PLPPR4: variants seen among roughly 807,000 people sequenced by gnomAD.
The protein encoded by PLPPR4 is phospholipid phosphatase related 4.
PLPPR4 carries 24 observed loss-of-function variants against 56.6 expected under a neutral mutation model. The ratio of observed to expected loss-of-function variants is 0.42; its 90% confidence interval spans 0.31 to 0.60. The LOEUF (loss-of-function observed/expected upper bound fraction) is 0.60. Ranked by LOEUF, PLPPR4 falls within the 20% of genes least tolerant of loss-of-function variation. The probability of loss-of-function intolerance (pLI) is 0.13; values close to 1 mark genes in which losing one functional copy is unlikely to be tolerated. For missense variants in PLPPR4, 654 were observed against 885.8 expected, an observed-to-expected ratio of 0.74 and a Z score of 3.32; for synonymous variants, 326 against 328.1, an observed-to-expected ratio of 0.99 and a Z score of 0.07.
At chr1:99,291,293 T>C (rs1330202212) in intron 2 of PLPPR4, among the ~76,000 whole-genome samples, 1 of 152,154 alleles carries the variant, frequency 6.6e-6, no homozygotes, top group Admixed American at 6.5e-5. Context: ...AAATATTAGA[T>C]GGTGGTGAGG....
intron 2 of PLPPR4, among the ~76,000 whole-genome samples, chr1:99,290,724 A>G (rs1407167052): frequency 1.3e-5 from 2 of 152,184 alleles, no homozygotes; most frequent in African/African-American, 4.8e-5. Context: ...TGATGCTGGG[A>G]TAACTGGCTA....
chr1:99,285,568 C>G (rs367845693), intron 1 of PLPPR4, among the ~76,000 whole-genome samples: 111 of 152,130 alleles, frequency 7.3e-4, no homozygotes, highest in South Asian at 4.4e-3. Context: ...CTCTGCAAAG[C>G]ATCCATCTGA....
intron 6 of PLPPR4, among the ~76,000 whole-genome samples, chr1:99,304,551 C>T (rs77798379): frequency 0.012 from 1,898 of 152,236 alleles, 44 homozygotes; most frequent in African/African-American, 0.044. Context: ...TTAGGGATTG[C>T]TCATTCTGGT....
rs1413528489 is a variant in PLPPR4 at position 99,306,166 on chromosome 1, C to T, written c.1304C>T (p.Ser435Leu). ...AGATCCATAGAAATGAGGTCAAGCT[C>T]AGAGCCATCGAGGGTAGGGGTGAAT... Reference protein sequence around the residue: ...PPRSIEMRSSSEPSRVGVNGD... With the variant: ...PPRSIEMRSSLEPSRVGVNGD... Residue 435 changes from serine (S) to leucine (L), a missense_variant, in exon 7 of 7, where the codon TCA becomes TTA. By Grantham distance (145) the Ser-to-Leu change is moderately radical. Coordinates refer to ENST00000370185, the MANE Select transcript of PLPPR4 (RefSeq NM_014839.5). The surrounding 1 kb of genome is among the most constrained non-coding windows in gnomAD (Gnocchi z 4.0). 6.2e-7 allele frequency: 1 copy of T among 1,614,132 alleles called. No individual in the cohort carries two copies. The highest frequency in any genetic ancestry group is 8.5e-7 in the Non-Finnish European group (1 of 1,180,014).
chr1:99,272,239 T>G (rs967995719), intron 1 of PLPPR4, among the ~76,000 whole-genome samples: 1 of 152,102 alleles, frequency 6.6e-6, no homozygotes, highest in Non-Finnish European at 1.5e-5. Context: ...ATGGCCTCAC[T>G]GTTTCTTCTA....
rs570004343 is a variant in PLPPR4 at position 99,305,869 on chromosome 1, G to A, written c.1007G>A (p.Ser336Asn). The change falls in exon 7 of 7, where the codon AGC becomes AAC. Residue 336 changes from serine to asparagine, a missense_variant. Transcript: ENST00000370185. Reference protein sequence around the residue: ...GILNRNHRDASSLTNLKRANA... With the variant: ...GILNRNHRDANSLTNLKRANA... ...CTCAACCGAAACCACAGAGATGCTA[G>A]CTCTCTGACAAATCTCAAAAGAGCA... is the stretch of plus-strand genomic sequence containing the variant. The A allele has an allele frequency of 3.7e-6, 6 of 1,614,012 alleles. No individual in the cohort carries two copies. In the South Asian group the frequency reaches 6.6e-5, roughly 18 times the overall value.
chr1:99,274,328 T>C (rs891057660), intron 1 of PLPPR4, among the ~76,000 whole-genome samples: 2 of 152,084 alleles, frequency 1.3e-5, no homozygotes, highest in East Asian at 1.9e-4. Context: ...TTTAATCATA[T>C]GCAAATTATA....
rs1054455867 is a variant in PLPPR4, at chr1:99,307,657, G to A, written c.*647G>A. The A allele has an allele frequency of 3.9e-5, 6 of 152,246 alleles. No individual in the cohort carries two copies. The highest frequency in any genetic ancestry group is 7.2e-5 in the African/African-American group (3 of 41,562). The allele number at this position is 152,246 out of a possible 1,614,324, so 9.4% of individuals were successfully genotyped here. On this transcript the variant is annotated 3_prime_UTR_variant, in exon 7 of 7. Transcript: ENST00000370185. ...TCAAAAAATGAAAAGGTTTTTGTGC[G>A]TTTCTTCAAAATTCTGCTTTCTTCA...
Position 99,306,045 on chromosome 1 carries a change from C to T in PLPPR4, c.1183C>T (p.Arg395Ter). 6.2e-7 allele frequency: 1 copy of T among 1,614,088 alleles called. No individual in the cohort carries two copies. Among genetic ancestry groups the T allele is most frequent in the Non-Finnish European group, 8.5e-7 (1 of 1,180,024 alleles). Residue 395 changes from arginine (R) to a stop codon, truncating the protein, a stop_gained, in exon 7 of 7, where the codon CGA (arginine) becomes TGA (stop). Transcript: ENST00000370185. LOFTEE classifies it high-confidence loss of function. The surrounding 1 kb of genome is among the most constrained non-coding windows in gnomAD (Gnocchi z 4.0). ...ASIHASMDSARSKQLLTQWKN... is the reference protein window; with the variant it reads ...ASIHASMDSA ...CATTCATGCCTCTATGGATTCCGCTCGATCAAAGCAGCTCCTCACCCAGTG... is the reference window on the plus strand; with the variant it reads ...CATTCATGCCTCTATGGATTCCGCTTGATCAAAGCAGCTCCTCACCCAGTG...
intron 4 of PLPPR4, among the ~76,000 whole-genome samples, chr1:99,300,592 C>T (rs1286692623): frequency 6.6e-6 from 1 of 152,028 alleles, no homozygotes; most frequent in Admixed American, 6.6e-5. Flanking sequence ...ATAATTCTTA[C>T]ACCAAAGAAC....
Position 99,299,027 on chromosome 1 carries a change from G to A in PLPPR4, c.395-8G>A. The A allele has an allele frequency of 6.2e-7, 1 of 1,605,666 alleles. No homozygotes were observed. Among genetic ancestry groups the A allele is most frequent in the Non-Finnish European group, 8.5e-7 (1 of 1,172,602 alleles). The stretch of plus-strand genomic sequence containing the variant: ...ACTTGGTAACAATTTCTTTCATTTT[G>A]CCTATAGGTGTTCATGTATTTGGAT... On this transcript the variant is annotated splice_polypyrimidine_tract_variant and splice_region_variant and intron_variant, in intron 3 of 6. Transcript: ENST00000370185.
At chr1:99,275,068 C>T (rs1659150697) in intron 1 of PLPPR4, among the ~76,000 whole-genome samples, 1 of 151,826 alleles carries the variant, frequency 6.6e-6, no homozygotes, top group Non-Finnish European at 1.5e-5. Context: ...TTACTTATCC[C>T]TTGGGTGATG....
chr1:99,295,970 G>T (rs1042870916), intron 2 of PLPPR4, among the ~76,000 whole-genome samples: 1 of 152,168 alleles, frequency 6.6e-6, no homozygotes, highest in Non-Finnish European at 1.5e-5. Context: ...AGGTTTCAAA[G>T]AAAACTTACT....
At position 99,308,908 on chromosome 1, in the gene PLPPR4, T is replaced by C. The variant is rs906122002; in HGVS notation, c.*1898T>C. The C allele has an allele frequency of 6.6e-6, 1 of 152,622 alleles. No homozygotes were observed. Among genetic ancestry groups the C allele is most frequent in the Non-Finnish European group, 1.5e-5 (1 of 68,026 alleles). 9.5% of individuals were successfully genotyped at this position (152,622 alleles called of 1,614,324 possible). A position where few individuals can be genotyped will look rare whatever the true frequency, so the allele number is the denominator to read the frequency against. ...TGTAGAGGAAAAGGTGGGCTGGTTT[T>C]AGTACTCTGAAGGACAAAAACAAGC... On this transcript the variant is annotated 3_prime_UTR_variant, in exon 7 of 7. Transcript: ENST00000370185.
At position 99,306,410 on chromosome 1, in the gene PLPPR4, T is replaced by A; in HGVS notation, c.1548T>A (p.Thr516=). 1 of 1,614,182 alleles carries A rather than the reference T, an allele frequency of 6.2e-7. No individual in the cohort carries two copies. Among genetic ancestry groups the A allele is most frequent in the Non-Finnish European group, 8.5e-7 (1 of 1,180,030 alleles). Residue 516 remains threonine (T), a synonymous_variant, in exon 7 of 7, where the codon ACT becomes ACA. Coordinates refer to ENST00000370185, the MANE Select transcript of PLPPR4 (RefSeq NM_014839.5). This position sits in a 1 kb window ranked among gnomAD's most constrained non-coding sequence, Gnocchi z 4.0. Reference sequence around the variant, plus strand: ...AGTGGTTAAAAGCTGCTGAAAAGACTGTGGCCTGTAACAGAAGCAACAGCC... The same window carrying A: ...AGTGGTTAAAAGCTGCTGAAAAGACAGTGGCCTGTAACAGAAGCAACAGCC... ...RAKWLKAAEK[T]VACNRSNSQP...
intron 1 of PLPPR4, among the ~76,000 whole-genome samples, chr1:99,281,540 T>G (rs1659325306): frequency 6.6e-6 from 1 of 152,152 alleles, no homozygotes; most frequent in Non-Finnish European, 1.5e-5. Context: ...AGCCTAATAT[T>G]ATGTTATTAT....
intron 1 of PLPPR4, among the ~76,000 whole-genome samples, chr1:99,286,168 A>G (rs2100796805): frequency 6.6e-6 from 1 of 152,332 alleles, no homozygotes; most frequent in East Asian, 1.9e-4. Context: ...TAGTGTGAGT[A>G]TCTCTCAAAT....
chr1:99,306,478 G>C lies in PLPPR4; in HGVS notation c.1616G>C (p.Gly539Ala). 1 of 1,614,156 alleles carries C rather than the reference G, an allele frequency of 6.2e-7. No individual in the cohort carries two copies. The highest frequency in any genetic ancestry group is 1.1e-5 in the South Asian group (1 of 91,074). ...GTCATAGCCATGTCCAAGCAGCAGG[G>C]TGTCCTCCAAAGCAGCCCCAAGAAC... ...MQVIAMSKQQ[G>A]VLQSSPKNTE... The change falls in exon 7 of 7, where the codon GGT (glycine) becomes GCT (alanine). Residue 539 changes from glycine to alanine, a missense_variant. Physicochemically the swap from Gly to Ala is moderately conservative, Grantham distance 60 (BLOSUM62 0). Around this residue, in one of 2 missense-constraint regions of PLPPR4, gnomAD observed 468 missense variants for 554.3 expected, o/e 0.84. Coordinates refer to ENST00000370185, the MANE Select transcript of PLPPR4 (RefSeq NM_014839.5). The surrounding 1 kb of genome is among the most constrained non-coding windows in gnomAD (Gnocchi z 4.0).
At chr1:99,304,598 C>A (rs763204423) in intron 6 of PLPPR4, among the ~76,000 whole-genome samples, 1 of 152,134 alleles carries the variant, frequency 6.6e-6, no homozygotes, top group Non-Finnish European at 1.5e-5. Context: ...TGGTTTCAAC[C>A]AGGAATTAAA....
Sources: gnomAD v4.1 joint callset for allele counts (sites outside exome capture counted in the v4.1 genomes callset) on GRCh38, gnomAD v4.1.1 for gene constraint, gnomAD v4.1.1 regional missense constraint, Gnocchi (gnomAD v3.1) non-coding constraint, MANE v1.5 for transcripts, NCBI Gene and HGNC (gene_info 2026-07-23, HGNC 2026-07-21) for gene names.